SLC25A32: variants seen among roughly 807,000 people sequenced by gnomAD.
SLC25A32 encodes solute carrier family 25 member 32, also known as Glycine auxotroph B, complementation of hamster.
A neutral mutation model predicts 39.0 loss-of-function variants in SLC25A32; 32 were observed. The observed-to-expected ratio is 0.82, with a 90% CI of 0.62 to 1.10. The LOEUF is 1.10. Among genes scored for constraint, SLC25A32 ranks in the 50% least tolerant of loss-of-function variants. SLC25A32 has a pLI of 0.00. For synonymous variants in SLC25A32, 166 were observed against 152.4 expected, an observed-to-expected ratio of 1.09 and a Z score of -0.66; for missense variants, 367 against 395.3, an observed-to-expected ratio of 0.93 and a Z score of 0.61.
intron 6 of SLC25A32, 169 bp downstream of exon 6, chr8:103,401,347 G>A: frequency 2.1e-6 from 1 of 485,576 alleles, no homozygotes; most frequent in Non-Finnish European, 3.6e-6. Flanking sequence ...TTAAGTCTCA[G>A]AGAGATTAAG....
intron 1 of SLC25A32, among the ~76,000 whole-genome samples, chr8:103,413,634 ATAAT>A (rs1246178369): frequency 1.3e-5 from 2 of 152,246 alleles, no homozygotes; most frequent in Non-Finnish European, 2.9e-5. Flanking sequence ...TGTCAATAAC[ATAAT>A]TATTTGTGCA....
chr8:103,403,252 A>G lies in SLC25A32; in HGVS notation c.464T>C (p.Val155Ala), dbSNP rs751526200. ...ATATTGTCGGTGTGGGGAGTTAACA[A>G]CAGCATCATACTGTAACATAAGGCG... ...KTRLMLQYDA[V>A]VNSPHRQYKG... Residue 155 changes from valine to alanine, a missense_variant, in exon 4 of 7, where the codon GTT becomes GCT. Coordinates refer to ENST00000297578, the MANE Select transcript of SLC25A32 (RefSeq NM_030780.5). 2 of 1,613,048 alleles carry G rather than the reference A, an allele frequency of 1.2e-6. No homozygotes were observed. The highest frequency in any genetic ancestry group is 2.2e-5 in the East Asian group (1 of 44,826).
intron 4 of SLC25A32, 27 bp from the exon 5 acceptor site, chr8:103,402,081 A>C: frequency 6.8e-7 from 1 of 1,477,492 alleles, no homozygotes; most frequent in Non-Finnish European, 9.3e-7. Context: ...TTTAAAAAGC[A>C]AAACAACATA....
chr8:103,406,065 G>GTGTGTATA (rs372284581), intron 2 of SLC25A32, among the ~76,000 whole-genome samples: 4 of 144,164 alleles, frequency 2.8e-5, no homozygotes, highest in African/African-American at 1.0e-4. Context: ...GTGTGTGTGT[G>GTGTGTATA]TATATATATA....
intron 3 of SLC25A32, 110 bp downstream of exon 3, chr8:103,404,666 C>A: frequency 1.6e-6 from 1 of 644,438 alleles, no homozygotes. Context: ...TGATTTAATA[C>A]AGTTAGATGG....
At chr8:103,405,478 A>G (rs946407748) in intron 2 of SLC25A32, among the ~76,000 whole-genome samples, 5 of 152,122 alleles carry the variant, frequency 3.3e-5, no homozygotes, top group African/African-American at 7.2e-5. Context: ...GTGAAAAGTA[A>G]TAAGGGTGGG....
At position 103,404,817 on chromosome 8, in the gene SLC25A32, C is replaced by T. The variant is rs17803441; in HGVS notation, c.350G>A (p.Arg117His). The stretch of plus-strand genomic sequence containing the variant: ...GACAAGGTATTCTGTTGCCTCTAAA[C>T]GTTCAGCTCTTCCTTCTGTTTTATA... ...KSYKTEGRAE[R>H]LEATEYLVSA... Residue 117 changes from arginine (R) to histidine (H), a missense_variant, in exon 3 of 7, where the codon CGT becomes CAT. Transcript: ENST00000297578. The T allele has an allele frequency of 0.066, 106,901 of 1,611,668 alleles. 4,020 individuals carry two copies. The highest frequency in any genetic ancestry group is 0.079 in the Non-Finnish European group (92,787 of 1,177,918).
At chr8:103,404,926 T>G (rs1040335953) in intron 2 of SLC25A32, 65 bp from the exon 3 acceptor site, 1 of 1,167,070 alleles carries the variant, frequency 8.6e-7, no homozygotes, top group South Asian at 1.3e-5. Context: ...TTAAAGTGTA[T>G]GTAAGTCAAC....
rs1447064660 is a variant in SLC25A32, at chr8:103,400,375, C to T, written c.*36G>A. ...TTAAACACAAAAGAGCTTGTTGCTG[C>T]CTTGGGCAGATATACTGGAATTGTC... is the stretch of plus-strand genomic sequence containing the variant. On this transcript the variant is annotated 3_prime_UTR_variant, in exon 7 of 7. Coordinates refer to ENST00000297578, the MANE Select transcript of SLC25A32 (RefSeq NM_030780.5). The T allele has an allele frequency of 1.2e-6, 2 of 1,611,940 alleles. No homozygotes were observed. The highest frequency in any genetic ancestry group is 1.3e-5 in the African/African-American group (1 of 74,766).
intron 5 of SLC25A32, 37 bp from the exon 6 acceptor site, chr8:103,401,698 A>G (rs756297739): frequency 6.6e-7 from 1 of 1,520,804 alleles, no homozygotes; most frequent in South Asian, 1.3e-5. Flanking sequence ...TTCTTTAGAC[A>G]GGATTTCTTT....
chr8:103,400,331 A>G lies in SLC25A32; in HGVS notation c.*80T>C. The G allele has an allele frequency of 6.6e-7, 1 of 1,510,292 alleles. No individual in the cohort carries two copies. The allele number at this position is 1,510,292 out of a possible 1,614,324, so 93.6% of individuals were successfully genotyped here. On this transcript the variant is annotated 3_prime_UTR_variant, in exon 7 of 7. Coordinates refer to ENST00000297578, the MANE Select transcript of SLC25A32 (RefSeq NM_030780.5). Reference sequence around the variant, plus strand: ...TCGAATATGAGCCATGTTTCTATGCAGAATTCTTCTTTTATGCCTTAAACA... The same window carrying G: ...TCGAATATGAGCCATGTTTCTATGCGGAATTCTTCTTTTATGCCTTAAACA...
intron 1 of SLC25A32, among the ~76,000 whole-genome samples, chr8:103,412,719 T>C (rs954915615): frequency 6.6e-6 from 1 of 152,220 alleles, no homozygotes; most frequent in Non-Finnish European, 1.5e-5. Flanking sequence ...CCAGTCATTT[T>C]TCATATGAAG....
rs1434696433 is a variant in SLC25A32 at position 103,402,195 on chromosome 8, T to C, written c.553-141A>G. On this transcript the variant is annotated intron_variant, in intron 4 of 6. Coordinates refer to ENST00000297578, the MANE Select transcript of SLC25A32 (RefSeq NM_030780.5). Reference sequence around the variant, plus strand: ...TTGCACAAATCACATTTTTAAAATATGGGGTTAAAAACTTGTAATATAAAG... The same window carrying C: ...TTGCACAAATCACATTTTTAAAATACGGGGTTAAAAACTTGTAATATAAAG... 5.2e-6 allele frequency: 3 copies of C among 574,330 alleles called. No individual in the cohort carries two copies. The African/African-American group carries it at 5.7e-5, about 11-fold the overall frequency. 35.6% of individuals were successfully genotyped at this position (574,330 alleles called of 1,614,324 possible).
rs1479062412 is a variant in SLC25A32 at position 103,403,192 on chromosome 8, TTATA to T, written c.520_523del (p.Tyr174SerfsTer32). 2 of 1,610,594 alleles carry T rather than the reference TTATA, an allele frequency of 1.2e-6. No homozygotes were observed. Among genetic ancestry groups the T allele is most frequent in the East Asian group, 2.2e-5 (1 of 44,810 alleles). On this transcript the variant is annotated frameshift_variant, in exon 4 of 7. Coordinates refer to ENST00000297578, the MANE Select transcript of SLC25A32 (RefSeq NM_030780.5). LOFTEE classifies it high-confidence loss of function. ...ATATAATCCACGCACACCTTCATAC[TTATA>T]TATTTTCACAAGTGTATCAAACATT...
rs1297054584 is a variant in SLC25A32, at chr8:103,399,362, G to C, written c.*1049C>G. The C allele has an allele frequency of 1.3e-5, 2 of 152,126 alleles. No homozygotes were observed. Among genetic ancestry groups the C allele is most frequent in the African/African-American group, 4.8e-5 (2 of 41,398 alleles). The allele number at this position is 152,126 out of a possible 1,614,324, so 9.4% of individuals were successfully genotyped here. On this transcript the variant is annotated 3_prime_UTR_variant, in exon 7 of 7. Coordinates refer to ENST00000297578, the MANE Select transcript of SLC25A32 (RefSeq NM_030780.5). Reference sequence around the variant, plus strand: ...TAAAGGTTGACACAGCTGGATCCTAGAAGCTCAGATTTTATAAATTTAAAA... The same window carrying C: ...TAAAGGTTGACACAGCTGGATCCTACAAGCTCAGATTTTATAAATTTAAAA...
Position 103,405,122 on chromosome 8 carries a change from A to G in SLC25A32, c.306-261T>C, listed in dbSNP as rs3133811. Reference sequence around the variant, plus strand: ...ACTCATCAATTAACTTCAAAAGACAAGGAAACTGGGAGGAGGGGAGAGTAC... The same window carrying G: ...ACTCATCAATTAACTTCAAAAGACAGGGAAACTGGGAGGAGGGGAGAGTAC... On this transcript the variant is annotated intron_variant, in intron 2 of 6. Transcript: ENST00000297578. Among the ~76,000 whole-genome samples, 34,529 of 152,082 alleles carry G rather than the reference A, an allele frequency of 0.23. 4,043 individuals are homozygous for G. Among genetic ancestry groups the G allele is most frequent in the East Asian group, 0.34 (1,770 of 5,178 alleles).
At chr8:103,413,076 A>G (rs3098241) in intron 1 of SLC25A32, among the ~76,000 whole-genome samples, 23,361 of 152,086 alleles carry the variant, frequency 0.15, 1,966 homozygotes, top group East Asian at 0.34. Context: ...TCCAAACTCA[A>G]TCCTTTTATC....
chr8:103,400,674 C>G, intron 6 of SLC25A32, 128 bp from the exon 7 acceptor site: 1 of 933,238 alleles, frequency 1.1e-6, no homozygotes, highest in Non-Finnish European at 1.6e-6. Flanking sequence ...TTCATGTTTT[C>G]AATGTCCTAA....
Position 103,398,747 on chromosome 8 carries a change from C to G in SLC25A32, c.*1664G>C, listed in dbSNP as rs1034762369. 6.6e-6 allele frequency: 1 copy of G among 152,152 alleles called. No homozygotes were observed. The highest frequency in any genetic ancestry group is 2.4e-5 in the African/African-American group (1 of 41,428). The allele number at this position is 152,152 out of a possible 1,614,324, so 9.4% of individuals were successfully genotyped here. A position where few individuals can be genotyped will look rare whatever the true frequency, so the allele number is the denominator to read the frequency against. On this transcript the variant is annotated 3_prime_UTR_variant, in exon 7 of 7. Coordinates refer to ENST00000297578, the MANE Select transcript of SLC25A32 (RefSeq NM_030780.5). ...AAATATCAACTGCAGTTCACTTTTT[C>G]CGTGTGGGGACTAATATCAAGATTT...
Sources: gnomAD v4.1 joint callset for allele counts (sites outside exome capture counted in the v4.1 genomes callset) on GRCh38, gnomAD v4.1.1 for gene constraint, MANE v1.5 for transcripts, NCBI Gene and HGNC (gene_info 2026-07-23, HGNC 2026-07-21) for gene names.